Variants in CHRNA4 observed in about 807,000 individuals in gnomAD.
CHRNA4 encodes cholinergic receptor nicotinic alpha 4 subunit.
Under a neutral mutation model 48.9 loss-of-function variants are expected in CHRNA4, and 28 were observed. The ratio of observed to expected loss-of-function variants is 0.57; its 90% CI spans 0.42 to 0.79. The LOEUF (loss-of-function observed/expected upper bound fraction) is 0.79, where lower values mean the gene tolerates loss of function less well. Among genes scored for constraint, CHRNA4 ranks in the 30% least tolerant of loss-of-function variants. The pLI, the probability that CHRNA4 is intolerant of heterozygous loss-of-function variation, is 0.00. For missense variants in CHRNA4, 859 were observed against 898.4 expected, an observed-to-expected ratio of 0.96 and a Z score of 0.56; for synonymous variants, 425 against 402.3, an observed-to-expected ratio of 1.06 and a Z score of -0.68.
chr20:63,352,548 C>G (rs568862070), intron 4 of CHRNA4, among the ~76,000 whole-genome samples: 3 of 152,160 alleles, frequency 2.0e-5, no homozygotes, highest in African/African-American at 7.2e-5. Context: ...CAGCGGGGGG[C>G]GGGGCTTTAC....
intron 5 of CHRNA4, 179 bp from the exon 6 acceptor site, chr20:63,347,042 G>GCTGTCCCGTGC: frequency 3.6e-6 from 3 of 843,696 alleles, no homozygotes; most frequent in Non-Finnish European, 5.7e-6. Context: ...GGGTGCACGG[G>GCTGTCCCGTGC]ACAGCCAGTG....
Position 63,359,867 on chromosome 20 carries a change from CTCTG to C in CHRNA4, c.77-172_77-169del, listed in dbSNP as rs1258541037. The C allele has an allele frequency of 6.7e-3, 467 of 69,590 alleles. 3 individuals carry two copies. In the East Asian group the frequency reaches 0.14, roughly 21 times the overall value. 4.3% of individuals were successfully genotyped at this position (69,590 alleles called of 1,614,324 possible). The stretch of plus-strand genomic sequence containing the variant: ...GACCTGTGTGTGTGCCGGGCGTGCG[CTCTG>C]TGTGTGTGTGTGTGCCGGGCGTGTG... On this transcript the variant is annotated intron_variant, in intron 1 of 5. Transcript: ENST00000370263.
intron 4 of CHRNA4, among the ~76,000 whole-genome samples, chr20:63,352,873 C>T (rs1742028484): frequency 6.6e-6 from 1 of 151,986 alleles, no homozygotes; most frequent in East Asian, 1.9e-4. Context: ...TGCATCACTG[C>T]TGCTCCCTGC....
chr20:63,356,297 G>T, intron 3 of CHRNA4, 74 bp downstream of exon 3: 1 of 1,336,632 alleles, frequency 7.5e-7, no homozygotes. Flanking sequence ...GGTGGGGCAG[G>T]GCCAGGACAG....
At position 63,359,668 on chromosome 20, in the gene CHRNA4, G is replaced by A. The variant is rs202196388; in HGVS notation, c.108C>T (p.Ala36=). ...ASSHVETRAH[A]EERLLKKLFS... is the part of the protein sequence containing the mutation. The stretch of plus-strand genomic sequence containing the variant: ...AGAGTTTCTTCAGGAGCCGCTCCTC[G>A]GCGTGGGCCCGGGTCTCCACATGGC... Residue 36 remains alanine, a synonymous_variant, in exon 2 of 6, where the codon GCC becomes GCT. Coordinates refer to ENST00000370263, the MANE Select transcript of CHRNA4 (RefSeq NM_000744.7). 16 of 1,611,720 alleles carry A rather than the reference G, an allele frequency of 9.9e-6. No individual in the cohort carries two copies. Among genetic ancestry groups the A allele is most frequent in the East Asian group, 8.9e-5 (4 of 44,894 alleles).
chr20:63,345,303 A>C lies in CHRNA4; in HGVS notation c.*1435T>G. 2 of 453,602 alleles carry C rather than the reference A, an allele frequency of 4.4e-6. No homozygotes were observed. Among genetic ancestry groups the C allele is most frequent in the Non-Finnish European group, 8.8e-6 (2 of 226,472 alleles). 28.1% of individuals were successfully genotyped at this position (453,602 alleles called of 1,614,324 possible). On this transcript the variant is annotated 3_prime_UTR_variant, in exon 6 of 6. Coordinates refer to ENST00000370263, the MANE Select transcript of CHRNA4 (RefSeq NM_000744.7). The surrounding 1 kb of genome is among the most constrained non-coding windows in gnomAD (Gnocchi z 5.4). The stretch of plus-strand genomic sequence containing the variant: ...GGGGGCAGCAGAATGTGGACCACTC[A>C]GCAGGAGGCTTCCTGACTGTCTCCT...
intron 4 of CHRNA4, among the ~76,000 whole-genome samples, chr20:63,354,924 G>A (rs115656976): frequency 1.5e-4 from 23 of 152,252 alleles, no homozygotes; most frequent in African/African-American, 5.1e-4. Flanking sequence ...AAAAGCGTCC[G>A]GCCCTCCCAC....
In CHRNA4 at chr20:63,346,274, C is replaced by G. The variant is rs1468830005; in HGVS notation, c.*464G>C. 3 of 452,990 alleles carry G rather than the reference C, an allele frequency of 6.6e-6. No homozygotes were observed. The highest frequency in any genetic ancestry group is 1.6e-5 in the South Asian group (1 of 64,290). The allele number at this position is 452,990 out of a possible 1,614,324, so 28.1% of individuals were successfully genotyped here. On this transcript the variant is annotated 3_prime_UTR_variant, in exon 6 of 6. Transcript: ENST00000370263. Reference sequence around the variant, plus strand: ...GGGGAGAAGTTGAAGCCCACACAGGCGCAGGACACGGTGGGTGGGAGAGGC... The same window carrying G: ...GGGGAGAAGTTGAAGCCCACACAGGGGCAGGACACGGTGGGTGGGAGAGGC...
Position 63,350,282 on chromosome 20 carries a change from T to C in CHRNA4, c.1129A>G (p.Lys377Glu), listed in dbSNP as rs1237765239. The change falls in exon 5 of 6, where the codon AAG becomes GAG. Residue 377 changes from lysine (K) to glutamate (E), a missense_variant. Around this residue, in one of 3 missense-constraint regions of CHRNA4, gnomAD observed 478 missense variants for 455.4 expected, o/e 1.05. Transcript: ENST00000370263. Reference sequence around the variant, plus strand: ...CAGAAGCGCGGGGCACTGGCCATCTTATGCATGGACTCGATGAGCCGCCGG... The same window carrying C: ...CAGAAGCGCGGGGCACTGGCCATCTCATGCATGGACTCGATGAGCCGCCGG... ...NCRRLIESMH[K>E]MASAPRFWPE... The C allele has an allele frequency of 1.2e-6, 2 of 1,612,562 alleles. No homozygotes were observed. The highest frequency in any genetic ancestry group is 1.7e-6 in the Non-Finnish European group (2 of 1,179,872).
intron 4 of CHRNA4, 31 bp from the exon 5 acceptor site, chr20:63,351,058 C>A (rs1233740052): frequency 6.3e-7 from 1 of 1,599,518 alleles, no homozygotes; most frequent in Non-Finnish European, 8.5e-7. Flanking sequence ...GGGTGTGAGA[C>A]CCCCACATCC....
At chr20:63,349,315 C>T (rs1161155437) in intron 5 of CHRNA4, among the ~76,000 whole-genome samples, 1 of 152,206 alleles carries the variant, frequency 6.6e-6, no homozygotes, top group Non-Finnish European at 1.5e-5. Context: ...CATTGCTGGG[C>T]AGGAGTTCCC....
Position 63,346,324 on chromosome 20 carries a change from G to A in CHRNA4, c.*414C>T, listed in dbSNP as rs775503761. 7 of 457,634 alleles carry A rather than the reference G, an allele frequency of 1.5e-5. No homozygotes were observed. The highest frequency in any genetic ancestry group is 6.2e-5 in the South Asian group (4 of 64,496). The allele number at this position is 457,634 out of a possible 1,614,324, so 28.3% of individuals were successfully genotyped here. On this transcript the variant is annotated 3_prime_UTR_variant, in exon 6 of 6. Coordinates refer to ENST00000370263, the MANE Select transcript of CHRNA4 (RefSeq NM_000744.7). Reference sequence around the variant, plus strand: ...CGGCCGGGCCTCCAGAAGACGGGGCGCTTGGGGCTGAAGGGGCGTGAACTC... The same window carrying A: ...CGGCCGGGCCTCCAGAAGACGGGGCACTTGGGGCTGAAGGGGCGTGAACTC...
Position 63,346,314 on chromosome 20 carries a change from A to G in CHRNA4, c.*424T>C, listed in dbSNP as rs913362372. 2 of 455,728 alleles carry G rather than the reference A, an allele frequency of 4.4e-6. No homozygotes were observed. Among genetic ancestry groups the G allele is most frequent in the Admixed American group, 2.3e-5 (1 of 42,616 alleles). 28.2% of individuals were successfully genotyped at this position (455,728 alleles called of 1,614,324 possible). A position where few individuals can be genotyped will look rare whatever the true frequency, so the allele number is the denominator to read the frequency against. On this transcript the variant is annotated 3_prime_UTR_variant, in exon 6 of 6. Coordinates refer to ENST00000370263, the MANE Select transcript of CHRNA4 (RefSeq NM_000744.7). The stretch of plus-strand genomic sequence containing the variant: ...GTGGGAGAGGCGGCCGGGCCTCCAG[A>G]AGACGGGGCGCTTGGGGCTGAAGGG...
Position 63,349,826 on chromosome 20 carries a change from A to G in CHRNA4, c.1585T>C (p.Cys529Arg), listed in dbSNP as rs112515579. 8 of 1,600,136 alleles carry G rather than the reference A, an allele frequency of 5.0e-6. No homozygotes were observed. The highest frequency in any genetic ancestry group is 6.8e-6 in the Non-Finnish European group (8 of 1,170,568). The change falls in exon 5 of 6, where the codon TGC becomes CGC. Residue 529 changes from cysteine (C) to arginine (R), a missense_variant. Cys to Arg is a radical substitution (Grantham distance 180). Coordinates refer to ENST00000370263, the MANE Select transcript of CHRNA4 (RefSeq NM_000744.7). ...ELPPPDQPSPCKCTCKKEPSS... is the reference protein window; with the variant it reads ...ELPPPDQPSPRKCTCKKEPSS... ...GGCTCCTTCTTGCATGTGCATTTGC[A>G]CGGAGAGGGCTGGTCTGGGGGTGGG...
At chr20:63,354,006 G>T (rs1226248932) in intron 4 of CHRNA4, among the ~76,000 whole-genome samples, 3 of 120,726 alleles carry the variant, frequency 2.5e-5, no homozygotes. Flanking sequence ...GTCCTGGCGG[G>T]GGGGCTGCGG....
At chr20:63,348,555 G>A (rs530441318) in intron 5 of CHRNA4, among the ~76,000 whole-genome samples, 26 of 152,342 alleles carry the variant, frequency 1.7e-4, no homozygotes, top group Non-Finnish European at 2.8e-4. Flanking sequence ...CGAGGATGGC[G>A]CTCTGGGGTC....
rs960510528 is a variant in CHRNA4, at chr20:63,345,242, C to T, written c.*1496G>A. 2.2e-6 allele frequency: 1 copy of T among 450,050 alleles called. No homozygotes were observed. The highest frequency in any genetic ancestry group is 4.5e-6 in the Non-Finnish European group (1 of 224,018). The allele number at this position is 450,050 out of a possible 1,614,324, so 27.9% of individuals were successfully genotyped here. The stretch of plus-strand genomic sequence containing the variant: ...GAATGAGACTCAGTGGGACGCAGAG[C>T]CCAACCCCATCCCCACCCCTGGCTG... On this transcript the variant is annotated 3_prime_UTR_variant, in exon 6 of 6. Coordinates refer to ENST00000370263, the MANE Select transcript of CHRNA4 (RefSeq NM_000744.7). The surrounding 1 kb of genome is among the most constrained non-coding windows in gnomAD (Gnocchi z 5.4).
At chr20:63,359,843 A>T in intron 1 of CHRNA4, 144 bp from the exon 2 acceptor site, 1 of 592,670 alleles carries the variant, frequency 1.7e-6, no homozygotes, top group East Asian at 3.7e-5. Flanking sequence ...CCACCCCAGG[A>T]CCTGTGTGTG....
Position 63,346,105 on chromosome 20 carries a change from G to A in CHRNA4, c.*633C>T, listed in dbSNP as rs2068490137. 2.2e-6 allele frequency: 1 copy of A among 454,078 alleles called. No homozygotes were observed. The highest frequency in any genetic ancestry group is 1.6e-5 in the South Asian group (1 of 64,468). The allele number at this position is 454,078 out of a possible 1,614,324, so 28.1% of individuals were successfully genotyped here. ...AGCTCCACAAAACTCTGTTCTCCAA[G>A]GCTCCTTAGGCACAAGACTTGAGTT... is the stretch of plus-strand genomic sequence containing the variant. On this transcript the variant is annotated 3_prime_UTR_variant, in exon 6 of 6. Transcript: ENST00000370263.
Sources: gnomAD v4.1 joint callset for allele counts (sites outside exome capture counted in the v4.1 genomes callset) on GRCh38, gnomAD v4.1.1 for gene constraint, gnomAD v4.1.1 regional missense constraint, Gnocchi (gnomAD v3.1) non-coding constraint, MANE v1.5 for transcripts, NCBI Gene and HGNC (gene_info 2026-07-23, HGNC 2026-07-21) for gene names.